The following CAMTA1 variants were observed in gnomAD, a reference collection of about 807,000 sequenced individuals.
The protein encoded by CAMTA1 is calmodulin binding transcription activator 1.
In CAMTA1, 27 loss-of-function variants were observed where a neutral mutation model predicts 170.9. That is an observed-to-expected ratio of 0.16 (90% CI 0.12 to 0.22). CAMTA1 has a LOEUF of 0.22. Among genes scored for constraint, CAMTA1 ranks in the 10% least tolerant of loss-of-function variants. The pLI, the probability that CAMTA1 is intolerant of heterozygous loss-of-function variation, is 1.00. For missense variants in CAMTA1, 1,619 were observed against 2,217.2 expected (o/e 0.73, Z 5.42); for synonymous variants, 833 against 891.5 (o/e 0.93, Z 1.17).
At chr1:7,705,763 C>A (rs1389215580) in intron 11 of CAMTA1, among the ~76,000 whole-genome samples, 2 of 152,162 alleles carry the variant, frequency 1.3e-5, no homozygotes, top group Non-Finnish European at 2.9e-5. Flanking sequence ...TAACTACAGA[C>A]CAGGGGAGCG....
chr1:7,577,615 T>C (rs1212320038), intron 6 of CAMTA1, among the ~76,000 whole-genome samples: 1 of 151,956 alleles, frequency 6.6e-6, no homozygotes, highest in Non-Finnish European at 1.5e-5. Context: ...CTCCCGGTGG[T>C]GTAAAATGGG....
intron 3 of CAMTA1, among the ~76,000 whole-genome samples, chr1:6,986,137 G>A (rs1472916637): frequency 6.6e-6 from 1 of 152,196 alleles, no homozygotes; most frequent in Non-Finnish European, 1.5e-5. Context: ...ATCAGAGGAC[G>A]GAGGGTCTGG....
chr1:7,166,577 T>C (rs1413715627), intron 4 of CAMTA1, among the ~76,000 whole-genome samples: 1 of 152,214 alleles, frequency 6.6e-6, no homozygotes, highest in Non-Finnish European at 1.5e-5. Flanking sequence ...GAGCTTCTTC[T>C]CATAGAGGGT....
intron 3 of CAMTA1, among the ~76,000 whole-genome samples, chr1:6,871,049 T>C (rs4908572): frequency 0.12 from 18,481 of 152,222 alleles, 1,677 homozygotes; most frequent in Admixed American, 0.28. Flanking sequence ...CTTTAGTTTG[T>C]TAATGGGAAA....
chr1:7,019,638 G>T (rs1322392106), intron 3 of CAMTA1, among the ~76,000 whole-genome samples: 1 of 152,238 alleles, frequency 6.6e-6, no homozygotes, highest in Non-Finnish European at 1.5e-5. Flanking sequence ...CTACACAGAT[G>T]ATGAAACTGA....
rs538821604 is a variant in CAMTA1 at position 7,566,680 on chromosome 1, C to G, written c.511-73720C>G. On this transcript the variant is annotated intron_variant, in intron 6 of 22. Coordinates refer to ENST00000303635, the MANE Select transcript of CAMTA1 (RefSeq NM_015215.4). ...GAGCCCTCCACAGGCACCCAGAGGC[C>G]TGAGTCCCTCTGGGCTGTGTCACAC... 2.2e-3 allele frequency among the ~76,000 whole-genome samples: 342 copies of G among 152,324 alleles called. 1 individual carries two copies. The highest frequency in any genetic ancestry group is 7.5e-3 in the African/African-American group (312 of 41,566).
At chr1:7,582,799 A>C (rs1041831938) in intron 6 of CAMTA1, among the ~76,000 whole-genome samples, 39 of 151,970 alleles carry the variant, frequency 2.6e-4, no homozygotes, top group African/African-American at 9.2e-4. Flanking sequence ...GAAGTGTCAC[A>C]CAGCTGTCCA....
At chr1:7,104,761 G>C (rs763236692) in intron 4 of CAMTA1, among the ~76,000 whole-genome samples, 4 of 152,202 alleles carry the variant, frequency 2.6e-5, no homozygotes, top group Non-Finnish European at 5.9e-5. Flanking sequence ...GGTCGTGCTG[G>C]CTGTGGCAGC....
At chr1:7,563,269 C>T (rs1557922109) in intron 6 of CAMTA1, among the ~76,000 whole-genome samples, 1 of 152,176 alleles carries the variant, frequency 6.6e-6, no homozygotes. Context: ...CGCGCAGCTG[C>T]TAGAAGCGAA....
chr1:7,302,998 A>T (rs1675015745), intron 5 of CAMTA1, among the ~76,000 whole-genome samples: 1 of 152,132 alleles, frequency 6.6e-6, no homozygotes, highest in Admixed American at 6.5e-5. Context: ...CCCTGAACAA[A>T]TTCTGTAATC....
intron 3 of CAMTA1, among the ~76,000 whole-genome samples, chr1:7,019,060 G>T (rs1331220381): frequency 6.6e-6 from 1 of 152,232 alleles, no homozygotes; most frequent in African/African-American, 2.4e-5. Flanking sequence ...ATGCCCGCAT[G>T]CCTTTGGTGC....
chr1:7,348,356 G>A (rs1415993244), intron 5 of CAMTA1, among the ~76,000 whole-genome samples: 1 of 152,174 alleles, frequency 6.6e-6, no homozygotes. Flanking sequence ...GAGCAAGGAG[G>A]TCGTGCCAGT....
chr1:7,319,438 G>A (rs1678024113), intron 5 of CAMTA1, among the ~76,000 whole-genome samples: 1 of 152,162 alleles, frequency 6.6e-6, no homozygotes, highest in Non-Finnish European at 1.5e-5. Context: ...CCCCGGCCAT[G>A]TGAAATGCCT....
At chr1:7,460,394 G>A (rs1575447081) in intron 5 of CAMTA1, among the ~76,000 whole-genome samples, 2 of 152,186 alleles carry the variant, frequency 1.3e-5, no homozygotes, top group African/African-American at 2.4e-5. Context: ...ATTTGGTCTC[G>A]TGTGTTTGCC....
intron 16 of CAMTA1, among the ~76,000 whole-genome samples, chr1:7,742,723 C>T (rs1347853673): frequency 3.3e-5 from 5 of 152,154 alleles, no homozygotes; most frequent in African/African-American, 1.2e-4. Flanking sequence ...GAAATTCCAC[C>T]TTACTTTTAA....
intron 6 of CAMTA1, among the ~76,000 whole-genome samples, chr1:7,525,616 G>A (rs572327972): frequency 1.5e-3 from 233 of 152,186 alleles, no homozygotes; most frequent in Non-Finnish European, 2.2e-3. Flanking sequence ...GGAGGACAGC[G>A]AGGCTCATTT....
intron 5 of CAMTA1, among the ~76,000 whole-genome samples, chr1:7,388,997 C>T (rs542570533): frequency 2.6e-5 from 4 of 152,324 alleles, no homozygotes; most frequent in Admixed American, 1.3e-4. Context: ...TCTCCATCCC[C>T]GTGCCATTCA....
chr1:6,884,378 G>T (rs950494), intron 3 of CAMTA1, among the ~76,000 whole-genome samples: 12,306 of 149,156 alleles, frequency 0.083, 722 homozygotes, highest in East Asian at 0.26. Context: ...TTTTAAAGAT[G>T]AATAAAAATT....
At chr1:7,483,118 G>A (rs1019467376) in intron 6 of CAMTA1, among the ~76,000 whole-genome samples, 4 of 152,304 alleles carry the variant, frequency 2.6e-5, no homozygotes, top group Admixed American at 2.6e-4. Flanking sequence ...AGGTCAAGGG[G>A]GAATCCTTCA....
Sources: allele counts gnomAD v4.1 joint callset (sites outside exome capture counted in the v4.1 genomes callset), GRCh38; gene constraint gnomAD v4.1.1; transcripts MANE v1.5; gene names NCBI Gene and HGNC (gene_info 2026-07-23, HGNC 2026-07-21).